Variants in ADGRL2 observed in about 807,000 individuals in gnomAD.
ADGRL2 encodes the protein calcium-independent alpha-latrotoxin receptor 2.
In ADGRL2, 44 loss-of-function variants were observed where a neutral mutation model predicts 157.4. That is an observed-to-expected ratio of 0.28 (90% CI 0.22 to 0.36). The LOEUF (loss-of-function observed/expected upper bound fraction) is 0.36. Among genes scored for constraint, ADGRL2 ranks in the 10% least tolerant of loss-of-function variants. The probability of loss-of-function intolerance (pLI) is 1.00; values close to 1 mark genes in which losing one functional copy is unlikely to be tolerated. For synonymous variants in ADGRL2, 585 were observed against 624.7 expected (o/e 0.94, Z 0.95); for missense variants, 1,510 against 1,768.9 (o/e 0.85, Z 2.63).
chr1:81,462,508 A>C (rs968341881), intron 2 of ADGRL2, among the ~76,000 whole-genome samples: 1 of 152,144 alleles, frequency 6.6e-6, no homozygotes, highest in Non-Finnish European at 1.5e-5. Flanking sequence ...GGAGGGAGAC[A>C]AGCAGACTTG....
intron 6 of ADGRL2, among the ~76,000 whole-genome samples, chr1:81,946,679 A>G (rs773746762): frequency 6.6e-6 from 1 of 152,116 alleles, no homozygotes; most frequent in Non-Finnish European, 1.5e-5. Context: ...TTATAAAGAG[A>G]GCCATTTTGT....
chr1:81,417,402 AT>A (rs1396851441), intron 1 of ADGRL2, among the ~76,000 whole-genome samples: 73 of 152,246 alleles, frequency 4.8e-4, no homozygotes, highest in Middle Eastern at 6.8e-3. Context: ...TTAATACTTT[AT>A]TTTATAATTT....
intron 2 of ADGRL2, among the ~76,000 whole-genome samples, chr1:81,509,287 GC>G (rs1209039637): frequency 1.3e-5 from 2 of 151,900 alleles, no homozygotes; most frequent in African/African-American, 4.8e-5. Context: ...AGACAATGTA[GC>G]CCTCATTCTG....
chr1:81,700,970 A>G (rs1039170474), intron 1 of ADGRL2, among the ~76,000 whole-genome samples: 3 of 152,258 alleles, frequency 2.0e-5, no homozygotes, highest in African/African-American at 7.2e-5. Flanking sequence ...GTTTGCATGC[A>G]AATGCAGAAA....
chr1:81,656,782 G>A (rs2082542710), intron 3 of ADGRL2, among the ~76,000 whole-genome samples: 1 of 152,022 alleles, frequency 6.6e-6, no homozygotes, highest in African/African-American at 2.4e-5. Context: ...GGCTGAGACG[G>A]GTGGATTGCT....
At chr1:81,378,526 C>G (rs78973651) in intron 1 of ADGRL2, among the ~76,000 whole-genome samples, 78 of 145,664 alleles carry the variant, frequency 5.4e-4, no homozygotes, top group African/African-American at 1.8e-3. Flanking sequence ...TACCACTGCA[C>G]TGCACTCCAG....
At chr1:81,981,203 C>T (rs1051405626) in intron 18 of ADGRL2, 11 of 284,244 alleles carry the variant, frequency 3.9e-5, no homozygotes, top group South Asian at 7.0e-5. Context: ...CTTCTCATTC[C>T]GTCCTATTTT....
chr1:81,480,320 GTATT>G (rs1219523512), intron 2 of ADGRL2, among the ~76,000 whole-genome samples: 2 of 152,114 alleles, frequency 1.3e-5, no homozygotes, highest in African/African-American at 4.8e-5. Flanking sequence ...AAAAAGTCAA[GTATT>G]TAGCACAGTA....
At chr1:81,501,293 C>T (rs907580989) in intron 2 of ADGRL2, among the ~76,000 whole-genome samples, 2 of 152,206 alleles carry the variant, frequency 1.3e-5, no homozygotes, top group South Asian at 4.1e-4. Flanking sequence ...TTACCAAGGA[C>T]ATCTGAAGAT....
chr1:81,364,651 A>C (rs984251596), intron 1 of ADGRL2, among the ~76,000 whole-genome samples: 1 of 152,274 alleles, frequency 6.6e-6, no homozygotes, highest in Non-Finnish European at 1.5e-5. Flanking sequence ...AATTCTTCAC[A>C]AGCAGTAGTA....
chr1:81,623,114 C>T (rs908551745), intron 3 of ADGRL2, among the ~76,000 whole-genome samples: 6 of 152,132 alleles, frequency 3.9e-5, no homozygotes, highest in African/African-American at 1.4e-4. Context: ...TTGCTCTAAG[C>T]TTATAGCTGT....
intron 2 of ADGRL2, among the ~76,000 whole-genome samples, chr1:81,874,016 G>A (rs2093765884): frequency 6.6e-6 from 1 of 152,032 alleles, no homozygotes; most frequent in East Asian, 1.9e-4. Context: ...GTAATGTTTA[G>A]GGAGTTTTAT....
intron 5 of ADGRL2, chr1:81,942,730 A>G: frequency 3.6e-6 from 2 of 553,206 alleles, no homozygotes; most frequent in East Asian, 3.3e-5. Flanking sequence ...CTTATAAATG[A>G]TCTTAAACTT....
chr1:81,702,655 A>G (rs2083610522), intron 1 of ADGRL2, among the ~76,000 whole-genome samples: 1 of 152,190 alleles, frequency 6.6e-6, no homozygotes, highest in South Asian at 2.1e-4. Context: ...AAACAAAAAC[A>G]AAAACAAATT....
chr1:81,946,638 G>A (rs1214862085), intron 6 of ADGRL2, among the ~76,000 whole-genome samples: 3 of 151,986 alleles, frequency 2.0e-5, no homozygotes, highest in African/African-American at 7.2e-5. Context: ...TTAATGATGT[G>A]ATACACTTCT....
chr1:81,788,543 T>G (rs2087168811), intron 2 of ADGRL2, among the ~76,000 whole-genome samples: 1 of 152,194 alleles, frequency 6.6e-6, no homozygotes, highest in Non-Finnish European at 1.5e-5. Context: ...CAAATAAACT[T>G]CTTTTCCCTA....
chr1:81,853,969 C>G (rs2093112137), intron 2 of ADGRL2, among the ~76,000 whole-genome samples: 1 of 152,028 alleles, frequency 6.6e-6, no homozygotes, highest in Non-Finnish European at 1.5e-5. Flanking sequence ...ACAGAATTAT[C>G]CTTTAATTCT....
intron 2 of ADGRL2, among the ~76,000 whole-genome samples, chr1:81,540,954 G>T (rs1206118102): frequency 6.6e-6 from 1 of 152,138 alleles, no homozygotes; most frequent in Non-Finnish European, 1.5e-5. Context: ...CAATTTTAAA[G>T]CTTAATTTTA....
chr1:81,615,576 A>G (rs2081627683), intron 3 of ADGRL2, among the ~76,000 whole-genome samples: 1 of 152,090 alleles, frequency 6.6e-6, no homozygotes, highest in South Asian at 2.1e-4. Flanking sequence ...ATCTTTAAGA[A>G]CTGTAACACT....
Sources: gnomAD v4.1 joint callset for allele counts (sites outside exome capture counted in the v4.1 genomes callset) on GRCh38, gnomAD v4.1.1 for gene constraint, MANE v1.5 for transcripts, NCBI Gene and HGNC (gene_info 2026-07-23, HGNC 2026-07-21) for gene names.